Variants in SH3PXD2B observed in about 807,000 individuals in gnomAD.
The protein encoded by SH3PXD2B is SH3 and PX domain-containing protein 2B.
In SH3PXD2B, 37 loss-of-function variants were observed where a neutral mutation model predicts 73.1. The ratio of observed to expected loss-of-function variants is 0.51; its 90% confidence interval spans 0.39 to 0.67. The LOEUF is 0.67. Among genes scored for constraint, SH3PXD2B ranks in the 30% least tolerant of loss-of-function variants. SH3PXD2B has a pLI of 0.00. For synonymous variants in SH3PXD2B, 457 were observed against 480.5 expected (o/e 0.95, Z 0.64); for missense variants, 1,053 against 1,197.8 (o/e 0.88, Z 1.78).
intron 2 of SH3PXD2B, among the ~76,000 whole-genome samples, chr5:172,416,041 C>A (rs1397165708): frequency 6.6e-6 from 1 of 152,182 alleles, no homozygotes. Context: ...TAAAGGGGAA[C>A]TTCCAGCCGG....
In SH3PXD2B at chr5:172,338,069, C is replaced by T. The variant is rs182912323; in HGVS notation, c.*300G>A. ...GAGGTCTTGGAGAGTCTTGGTCCCA[C>T]TGCTGGGTGGCAATGCCATTGGCCA... On this transcript the variant is annotated 3_prime_UTR_variant, in exon 13 of 13. Coordinates refer to ENST00000311601, the MANE Select transcript of SH3PXD2B (RefSeq NM_001017995.3). The surrounding 1 kb of genome is among the most constrained non-coding windows in gnomAD (Gnocchi z 5.1). The T allele has an allele frequency of 2.0e-5, 26 of 1,317,046 alleles. No individual in the cohort carries two copies. Among genetic ancestry groups the T allele is most frequent in the Non-Finnish European group, 2.9e-6 (3 of 1,026,754 alleles). 81.6% of individuals were successfully genotyped at this position (1,317,046 alleles called of 1,614,324 possible).
intron 2 of SH3PXD2B, among the ~76,000 whole-genome samples, chr5:172,407,467 GGCCTGAGTGA>G (rs1758587305): frequency 6.6e-6 from 1 of 152,234 alleles, no homozygotes; most frequent in Non-Finnish European, 1.5e-5. Flanking sequence ...CTGGACATGT[GGCCTGAGTGA>G]GCTATGCCAA....
intron 8 of SH3PXD2B, among the ~76,000 whole-genome samples, chr5:172,357,027 G>A (rs1757292966): frequency 6.7e-6 from 1 of 150,250 alleles, no homozygotes; most frequent in African/African-American, 2.5e-5. Context: ...GCTGAGGTGG[G>A]AGGATCACTT....
At chr5:172,433,667 C>T (rs548228540) in intron 1 of SH3PXD2B, among the ~76,000 whole-genome samples, 7 of 152,190 alleles carry the variant, frequency 4.6e-5, no homozygotes, top group East Asian at 1.9e-4. Flanking sequence ...GCTCACCGGC[C>T]GGGAAGCCAG....
chr5:172,362,822 C>T lies in SH3PXD2B; in HGVS notation c.475G>A (p.Val159Met), dbSNP rs1273037899. ...VDPMVLEQYV[V>M]VANYQKQESS... ...TCCTGCTTCTGGTAGTTGGCTACCA[C>T]CACATACTGCTCCAGGACCATGGGG... The change falls in exon 7 of 13, where the codon GTG becomes ATG. Residue 159 changes from valine to methionine, a missense_variant. Around this residue, in one of 2 missense-constraint regions of SH3PXD2B, gnomAD observed 466 missense variants for 607.1 expected, o/e 0.77. Transcript: ENST00000311601. 1.2e-6 allele frequency: 2 copies of T among 1,614,040 alleles called. No individual in the cohort carries two copies. Among genetic ancestry groups the T allele is most frequent in the Non-Finnish European group, 1.7e-6 (2 of 1,180,028 alleles).
chr5:172,420,616 G>A (rs6866951), intron 2 of SH3PXD2B, among the ~76,000 whole-genome samples: 2 of 152,124 alleles, frequency 1.3e-5, no homozygotes, highest in Non-Finnish European at 2.9e-5. Context: ...CTCTGTTCGC[G>A]GCAGTTTGTG....
chr5:172,346,139 G>A lies in SH3PXD2B; in HGVS notation c.1185C>T (p.Val395=), dbSNP rs186880516. The A allele has an allele frequency of 8.1e-6, 13 of 1,613,990 alleles. No individual in the cohort carries two copies. Among genetic ancestry groups the A allele is most frequent in the African/African-American group, 5.3e-5 (4 of 75,056 alleles). ...AAGGAACACCAGGGCCACTCACCTCGACCTTCAGGCCTGCCTGGAAGCTGA... is the reference window on the plus strand; with the variant it reads ...AAGGAACACCAGGGCCACTCACCTCAACCTTCAGGCCTGCCTGGAAGCTGA... The part of the protein sequence containing the change: ...DGISFQAGLK[V]EVIEKNLSGW... The change falls in exon 12 of 13, where the codon GTC becomes GTT. Residue 395 remains valine (V), a synonymous_variant. Transcript: ENST00000311601.
intron 7 of SH3PXD2B, among the ~76,000 whole-genome samples, chr5:172,362,146 C>T (rs1362844788): frequency 6.6e-6 from 1 of 152,222 alleles, no homozygotes; most frequent in Non-Finnish European, 1.5e-5. Flanking sequence ...TTAATCTTTA[C>T]AATCACTCTT....
In SH3PXD2B at chr5:172,338,059, C is replaced by G; in HGVS notation, c.*310G>C. The G allele has an allele frequency of 7.7e-7, 1 of 1,301,326 alleles. No individual in the cohort carries two copies. The highest frequency in any genetic ancestry group is 1.6e-5 in the South Asian group (1 of 64,146). 80.6% of individuals were successfully genotyped at this position (1,301,326 alleles called of 1,614,324 possible). A position where few individuals can be genotyped will look rare whatever the true frequency, so the allele number is the denominator to read the frequency against. On this transcript the variant is annotated 3_prime_UTR_variant, in exon 13 of 13. Coordinates refer to ENST00000311601, the MANE Select transcript of SH3PXD2B (RefSeq NM_001017995.3). This position sits in a 1 kb window ranked among gnomAD's most constrained non-coding sequence, Gnocchi z 5.1. ...TCCAGTCCTGGAGGTCTTGGAGAGT[C>G]TTGGTCCCACTGCTGGGTGGCAATG... is the stretch of plus-strand genomic sequence containing the variant.
At chr5:172,352,956 AC>A (rs1257717106) in intron 9 of SH3PXD2B, among the ~76,000 whole-genome samples, 1 of 151,532 alleles carries the variant, frequency 6.6e-6, no homozygotes, top group African/African-American at 2.4e-5. Flanking sequence ...AGCCTTCCTG[AC>A]CCCCAGGCTG....
intron 6 of SH3PXD2B, among the ~76,000 whole-genome samples, chr5:172,368,108 A>G (rs1182952264): frequency 6.6e-6 from 1 of 152,102 alleles, no homozygotes; most frequent in African/African-American, 2.4e-5. Flanking sequence ...GCCTGTTTCT[A>G]CTGCAGGGAA....
intron 1 of SH3PXD2B, among the ~76,000 whole-genome samples, chr5:172,429,849 C>A (rs1437501748): frequency 6.6e-6 from 1 of 152,180 alleles, no homozygotes; most frequent in African/African-American, 2.4e-5. Context: ...CCATGCCATG[C>A]CCCAGCTTGG....
In SH3PXD2B at chr5:172,339,490, G is replaced by A. The variant is rs199704139; in HGVS notation, c.1615C>T (p.Arg539Trp). ...TCCGTCCTCTGCCGCTCCCGCTCCC[G>A]CTCCAGCAGCTCCCCCTCCGACTTG... ...IIKSEGELLE[R>W]ERERQRTEQL... Residue 539 changes from arginine to tryptophan, a missense_variant, in exon 13 of 13, where the codon CGG becomes TGG. Arg to Trp is a moderately radical substitution (Grantham distance 101). Transcript: ENST00000311601. The surrounding 1 kb of genome is among the most constrained non-coding windows in gnomAD (Gnocchi z 6.1). The A allele has an allele frequency of 5.4e-5, 87 of 1,613,734 alleles. No individual in the cohort carries two copies. In the Admixed American group the frequency reaches 1.1e-3, roughly 20 times the overall value.
chr5:172,359,644 C>T (rs575907820), intron 7 of SH3PXD2B, among the ~76,000 whole-genome samples: 32 of 152,240 alleles, frequency 2.1e-4, no homozygotes, highest in African/African-American at 6.7e-4. Flanking sequence ...CCTCTCACCC[C>T]GGCTCAGACA....
intron 10 of SH3PXD2B, 67 bp from the exon 11 acceptor site, chr5:172,347,399 C>A (rs755488180): frequency 2.6e-6 from 4 of 1,545,444 alleles, no homozygotes; most frequent in Admixed American, 3.4e-5. Context: ...GGTGCCAGGT[C>A]GGGTCTATTT....
At chr5:172,425,327 G>A (rs1401408029) in intron 1 of SH3PXD2B, among the ~76,000 whole-genome samples, 1 of 152,126 alleles carries the variant, frequency 6.6e-6, no homozygotes, top group Non-Finnish European at 1.5e-5. Context: ...TTGTTAAGTG[G>A]AGATGGGCAA....
At chr5:172,447,338 G>T (rs10075165) in intron 1 of SH3PXD2B, among the ~76,000 whole-genome samples, 6,386 of 152,206 alleles carry the variant, frequency 0.042, 432 homozygotes, top group African/African-American at 0.14. Context: ...TATTTAATAT[G>T]CTTGTGATAG....
chr5:172,340,604 C>CT lies in SH3PXD2B; in HGVS notation c.1189-689dup, dbSNP rs201116581. On this transcript the variant is annotated intron_variant, in intron 12 of 12. Coordinates refer to ENST00000311601, the MANE Select transcript of SH3PXD2B (RefSeq NM_001017995.3). ...TCCACAACACATGAAAGAGACCTAC[C>CT]TTTTTTTTGAGACAGAGTCTTGCTC... Among the ~76,000 whole-genome samples the CT allele has an allele frequency of 6.9e-3, 1,043 of 151,902 alleles. 11 individuals carry two copies. The highest frequency in any genetic ancestry group is 0.023 in the African/African-American group (959 of 41,420).
At chr5:172,403,624 A>G (rs1338683132) in intron 3 of SH3PXD2B, among the ~76,000 whole-genome samples, 5 of 152,168 alleles carry the variant, frequency 3.3e-5, no homozygotes, top group Non-Finnish European at 7.4e-5. Context: ...AGAGCTTGGG[A>G]GAGGGTCGGC....
Sources: gnomAD v4.1 joint callset for allele counts (sites outside exome capture counted in the v4.1 genomes callset) on GRCh38, gnomAD v4.1.1 for gene constraint, gnomAD v4.1.1 regional missense constraint, Gnocchi (gnomAD v3.1) non-coding constraint, MANE v1.5 for transcripts, NCBI Gene and HGNC (gene_info 2026-07-23, HGNC 2026-07-21) for gene names.